OTOGL: variants seen among roughly 807,000 people sequenced by gnomAD.
OTOGL encodes otogelin like, also known as otogelin-like protein.
OTOGL carries 285 observed loss-of-function variants against 318.5 expected under a neutral mutation model. The observed-to-expected ratio is 0.89, with a 90% CI of 0.81 to 0.99. The LOEUF is 0.99. OTOGL is among the 50% of genes least tolerant of loss of function. The pLI, the probability that OTOGL is intolerant of heterozygous loss-of-function variation, is 0.00. For missense variants in OTOGL, 2,899 were observed against 2,845.6 expected, an observed-to-expected ratio of 1.02 and a Z score of -0.43; for synonymous variants, 987 against 936.5, an observed-to-expected ratio of 1.05 and a Z score of -0.99.
intron 35 of OTOGL, among the ~76,000 whole-genome samples, chr12:80,327,815 C>T (rs1379220325): frequency 1.3e-5 from 2 of 150,918 alleles, no homozygotes; most frequent in African/African-American, 2.4e-5. Context: ...AAAAATTAGC[C>T]GGGTGTGGTG....
chr12:80,337,903 C>T (rs929842327), intron 42 of OTOGL, among the ~76,000 whole-genome samples: 6 of 151,836 alleles, frequency 4.0e-5, no homozygotes, highest in African/African-American at 1.5e-4. Context: ...CCTTTGAGTT[C>T]GATGAGGTTG....
At chr12:80,332,070 G>A (rs1241826187) in intron 37 of OTOGL, among the ~76,000 whole-genome samples, 1 of 152,154 alleles carries the variant, frequency 6.6e-6, no homozygotes, top group East Asian at 1.9e-4. Context: ...GTCTCCCTTA[G>A]AGCCTCCAGA....
At chr12:80,308,087 G>C (rs1337913691) in intron 29 of OTOGL, among the ~76,000 whole-genome samples, 2 of 139,214 alleles carry the variant, frequency 1.4e-5, no homozygotes, top group African/African-American at 2.9e-5. Context: ...CGGCTGGCCG[G>C]GTGGGGGGCT....
chr12:80,155,757 C>G (rs887454669), intron 1 of OTOGL, among the ~76,000 whole-genome samples: 2 of 152,184 alleles, frequency 1.3e-5, no homozygotes, highest in Non-Finnish European at 2.9e-5. Flanking sequence ...ATCCCCACCT[C>G]CCACCCTCTC....
intron 1 of OTOGL, among the ~76,000 whole-genome samples, chr12:80,154,830 A>G (rs1245862133): frequency 6.6e-6 from 1 of 152,138 alleles, no homozygotes; most frequent in Admixed American, 6.6e-5. Flanking sequence ...TATAGTAAGA[A>G]TATGTTTTGT....
At chr12:80,278,979 TAGTTAG>T in intron 25 of OTOGL, 43 bp from the exon 26 acceptor site, 1 of 1,567,972 alleles carries the variant, frequency 6.4e-7, no homozygotes, top group Non-Finnish European at 8.7e-7. Flanking sequence ...TTGAAATCAC[TAGTTAG>T]AGTCGTTTCT....
intron 37 of OTOGL, among the ~76,000 whole-genome samples, chr12:80,329,771 C>T (rs115620365): frequency 0.016 from 2,464 of 152,220 alleles, 66 homozygotes; most frequent in African/African-American, 0.056. Flanking sequence ...TTATTCTTTC[C>T]ATTTATTTGA....
In OTOGL at chr12:80,333,009, G is replaced by A. The variant is rs767226781; in HGVS notation, c.4353G>A (p.Trp1451Ter). ...AKPTVPMFTV[W>*]EMITPSDITV... The stretch of plus-strand genomic sequence containing the variant: ...TTACTTTTTCATTTCTGACAGTTTG[G>A]GAAATGATTACTCCATCAGACATCA... Residue 1451 changes from tryptophan to a stop codon, truncating the protein, a stop_gained, in exon 38 of 59, where the codon TGG becomes TGA. Coordinates refer to ENST00000547103, the MANE Select transcript of OTOGL (RefSeq NM_001378609.3). LOFTEE classifies it high-confidence loss of function. 3.1e-5 allele frequency: 50 copies of A among 1,591,628 alleles called. No individual in the cohort carries two copies. Among genetic ancestry groups the A allele is most frequent in the Non-Finnish European group, 4.0e-5 (47 of 1,166,880 alleles).
chr12:80,255,546 T>A (rs1881960826), intron 16 of OTOGL, among the ~76,000 whole-genome samples: 1 of 151,974 alleles, frequency 6.6e-6, no homozygotes, highest in Non-Finnish European at 1.5e-5. Context: ...TATGCATGAT[T>A]GTACAATGGA....
At chr12:80,308,497 A>C (rs1197530332) in intron 29 of OTOGL, among the ~76,000 whole-genome samples, 5 of 151,434 alleles carry the variant, frequency 3.3e-5, no homozygotes, top group Non-Finnish European at 5.9e-5. Flanking sequence ...GCAGCCAGGC[A>C]GAGGGGCTCC....
intron 1 of OTOGL, among the ~76,000 whole-genome samples, chr12:80,148,203 G>T (rs1872535920): frequency 6.6e-6 from 1 of 151,196 alleles, no homozygotes; most frequent in Non-Finnish European, 1.5e-5. Context: ...GGTTGTTCCT[G>T]TCCACATTTA....
intron 11 of OTOGL, among the ~76,000 whole-genome samples, chr12:80,247,084 A>G (rs1249038309): frequency 2.3e-5 from 3 of 132,536 alleles, no homozygotes; most frequent in African/African-American, 3.3e-5. Flanking sequence ...CTAGCAGTCT[A>G]TCAATTTTGT....
At chr12:80,350,841 G>T (rs185588984) in intron 44 of OTOGL, among the ~76,000 whole-genome samples, 2 of 151,996 alleles carry the variant, frequency 1.3e-5, no homozygotes, top group South Asian at 4.1e-4. Context: ...ATATTTTCTC[G>T]CATTCTATAG....
chr12:80,126,902 T>C (rs1870882739), intron 1 of OTOGL, among the ~76,000 whole-genome samples: 1 of 152,194 alleles, frequency 6.6e-6, no homozygotes, highest in South Asian at 2.1e-4. Context: ...TGGTAGATCT[T>C]CCTCCACCCT....
At chr12:80,177,614 C>T (rs1422442211) in intron 1 of OTOGL, among the ~76,000 whole-genome samples, 3 of 151,802 alleles carry the variant, frequency 2.0e-5, no homozygotes, top group Non-Finnish European at 4.4e-5. Context: ...TGCATTTCTA[C>T]AAAAAAGCCA....
chr12:80,188,819 A>C (rs1395632244), intron 1 of OTOGL, among the ~76,000 whole-genome samples: 2 of 152,214 alleles, frequency 1.3e-5, no homozygotes, highest in Admixed American at 6.5e-5. Flanking sequence ...TCGATCCTCC[A>C]CAGACCTTTC....
chr12:80,339,298 G>GTTTTTTTTTTTTT (rs10715159), intron 43 of OTOGL, 34 bp downstream of exon 43: 158 of 538,058 alleles, frequency 2.9e-4, no homozygotes, highest in South Asian at 1.2e-3. Flanking sequence ...GATTTCGTCT[G>GTTTTTTTTTTTTT]TTTTTTTTTT....
intron 28 of OTOGL, among the ~76,000 whole-genome samples, chr12:80,303,442 A>G (rs1885907882): frequency 6.6e-6 from 1 of 152,236 alleles, no homozygotes; most frequent in South Asian, 2.1e-4. Flanking sequence ...GGCGTGAGCC[A>G]TTGTGCCCAG....
chr12:80,322,911 G>A (rs1464352944), intron 34 of OTOGL, among the ~76,000 whole-genome samples: 1 of 152,066 alleles, frequency 6.6e-6, no homozygotes, highest in Non-Finnish European at 1.5e-5. Flanking sequence ...TTTTCTAATT[G>A]TTTGAACTTG....
Sources: allele counts gnomAD v4.1 joint callset (sites outside exome capture counted in the v4.1 genomes callset), GRCh38; gene constraint gnomAD v4.1.1; transcripts MANE v1.5; gene names NCBI Gene and HGNC (gene_info 2026-07-23, HGNC 2026-07-21).